The following BACH2 variants were observed in gnomAD, a reference collection of about 807,000 sequenced individuals.
The protein encoded by BACH2 is BACH transcriptional regulator 2.
In BACH2, 5 loss-of-function variants were observed where a neutral mutation model predicts 61.8. The observed-to-expected ratio is 0.08, with a 90% CI of 0.04 to 0.17. The LOEUF is 0.17. Ranked by LOEUF, BACH2 falls within the 10% of genes least tolerant of loss-of-function variation. BACH2 has a pLI of 1.00. For missense variants in BACH2, 824 were observed against 1,091.1 expected, an observed-to-expected ratio of 0.76 and a Z score of 3.45; for synonymous variants, 446 against 440.1, an observed-to-expected ratio of 1.01 and a Z score of -0.17.
intron 5 of BACH2, among the ~76,000 whole-genome samples, chr6:90,032,091 A>G (rs1238242232): frequency 1.3e-5 from 2 of 152,154 alleles, no homozygotes; most frequent in African/African-American, 4.8e-5. Context: ...ACCTGACAAA[A>G]ACAAGCAATG....
intron 5 of BACH2, among the ~76,000 whole-genome samples, chr6:90,014,857 C>G (rs1160071390): frequency 6.6e-6 from 1 of 151,908 alleles, no homozygotes; most frequent in African/African-American, 2.4e-5. Flanking sequence ...TAGCTAACTG[C>G]AACCTCAAAC....
intron 4 of BACH2, among the ~76,000 whole-genome samples, chr6:90,189,614 CAAAAAAAAAAAA>C (rs59022545): frequency 8.4e-5 from 4 of 47,770 alleles, no homozygotes; most frequent in Non-Finnish European, 1.3e-4. Context: ...GACTCCGTCT[CAAAAAAAAAAAA>C]AAAAAAAAAA....
chr6:90,220,519 C>T (rs981616474), intron 3 of BACH2, among the ~76,000 whole-genome samples: 66 of 152,176 alleles, frequency 4.3e-4, no homozygotes, highest in African/African-American at 1.4e-3. Flanking sequence ...AAGGCCACTA[C>T]CTATGTAAAC....
chr6:90,024,541 T>G (rs1233128462), intron 5 of BACH2, among the ~76,000 whole-genome samples: 1 of 152,208 alleles, frequency 6.6e-6, no homozygotes, highest in African/African-American at 2.4e-5. Context: ...TCCTTATCTA[T>G]GCAAGGAGGA....
chr6:89,984,781 C>A (rs1776147191), intron 6 of BACH2, among the ~76,000 whole-genome samples: 1 of 152,168 alleles, frequency 6.6e-6, no homozygotes, highest in Non-Finnish European at 1.5e-5. Context: ...AATTGCAACT[C>A]ATTTTCTTCT....
At chr6:90,180,534 C>T (rs1213349996) in intron 4 of BACH2, among the ~76,000 whole-genome samples, 4 of 152,094 alleles carry the variant, frequency 2.6e-5, no homozygotes, top group Admixed American at 6.6e-5. Flanking sequence ...CACCTCTCAA[C>T]CTCCTCCTCT....
intron 4 of BACH2, among the ~76,000 whole-genome samples, chr6:90,113,951 C>G (rs550866087): frequency 6.6e-6 from 1 of 152,264 alleles, no homozygotes; most frequent in East Asian, 1.9e-4. Context: ...CACATACACC[C>G]TCCTAAGACT....
At chr6:90,099,887 C>T (rs1256207918) in intron 4 of BACH2, among the ~76,000 whole-genome samples, 1 of 152,116 alleles carries the variant, frequency 6.6e-6, no homozygotes, top group Non-Finnish European at 1.5e-5. Flanking sequence ...CAGAACATTT[C>T]CATCATCCAA....
chr6:90,008,786 C>G lies in BACH2; in HGVS notation c.59G>C (p.Cys20Ser). The G allele has an allele frequency of 6.2e-7, 1 of 1,614,178 alleles. No homozygotes were observed. ...PMYVYESTVH[C>S]TNILLGLNDQ... ...ATTGAGGCCCAGGAGGATGTTGGTGCAGTGGACTGTGGACTCATACACATA... is the reference window on the plus strand; with the variant it reads ...ATTGAGGCCCAGGAGGATGTTGGTGGAGTGGACTGTGGACTCATACACATA... Residue 20 changes from cysteine (C) to serine (S), a missense_variant, in exon 6 of 9, where the codon TGC becomes TCC. By Grantham distance (112) the Cys-to-Ser change is moderately radical. Coordinates refer to ENST00000257749, the MANE Select transcript of BACH2 (RefSeq NM_021813.4). This position sits in a 1 kb window ranked among gnomAD's most constrained non-coding sequence, Gnocchi z 4.1.
At chr6:90,222,173 A>G (rs1391447508) in intron 3 of BACH2, among the ~76,000 whole-genome samples, 3 of 152,238 alleles carry the variant, frequency 2.0e-5, no homozygotes, top group Admixed American at 1.3e-4. Flanking sequence ...TGGACAAGCC[A>G]CATTTTAAGA....
At chr6:89,947,782 A>G (rs373876807) in intron 7 of BACH2, among the ~76,000 whole-genome samples, 28 of 151,974 alleles carry the variant, frequency 1.8e-4, no homozygotes, top group Admixed American at 5.9e-4. Context: ...CGTGTTAGCC[A>G]GGATGGTCTC....
intron 4 of BACH2, among the ~76,000 whole-genome samples, chr6:90,105,159 C>T (rs1024302110): frequency 6.6e-6 from 1 of 152,206 alleles, no homozygotes; most frequent in African/African-American, 2.4e-5. Flanking sequence ...TGCAGTTATG[C>T]ATTACACAAG....
intron 8 of BACH2, among the ~76,000 whole-genome samples, chr6:89,933,910 C>T (rs1033231387): frequency 4.0e-5 from 6 of 151,846 alleles, no homozygotes; most frequent in African/African-American, 1.5e-4. Flanking sequence ...CACTTGTGCC[C>T]GGGTGGTGGA....
At chr6:90,219,379 C>G (rs1769658851) in intron 3 of BACH2, among the ~76,000 whole-genome samples, 1 of 152,210 alleles carries the variant, frequency 6.6e-6, no homozygotes, top group Non-Finnish European at 1.5e-5. Flanking sequence ...AGCTTACCAT[C>G]TGGTTTCTAT....
chr6:90,017,871 A>T (rs1778153192), intron 5 of BACH2, among the ~76,000 whole-genome samples: 1 of 152,224 alleles, frequency 6.6e-6, no homozygotes, highest in African/African-American at 2.4e-5. Flanking sequence ...TGGATGCCAG[A>T]CAGTGTAAAA....
intron 2 of BACH2, among the ~76,000 whole-genome samples, chr6:90,260,062 T>A (rs2127874854): frequency 6.6e-6 from 1 of 152,264 alleles, no homozygotes; most frequent in South Asian, 2.1e-4. Context: ...TTTATGTTTG[T>A]TCTGATTTTT....
At chr6:90,000,689 A>T (rs2127778009) in intron 6 of BACH2, among the ~76,000 whole-genome samples, 1 of 152,318 alleles carries the variant, frequency 6.6e-6, no homozygotes, top group Middle Eastern at 3.4e-3. Context: ...TTTTCTCAAA[A>T]TCTTAACACC....
intron 4 of BACH2, among the ~76,000 whole-genome samples, chr6:90,177,464 C>A (rs531804082): frequency 1.3e-5 from 2 of 152,142 alleles, no homozygotes; most frequent in African/African-American, 4.8e-5. Flanking sequence ...CTTTTACAAA[C>A]GAGGAAACTG....
intron 6 of BACH2, among the ~76,000 whole-genome samples, chr6:89,960,547 A>G (rs1189332623): frequency 6.6e-6 from 1 of 152,278 alleles, no homozygotes; most frequent in African/African-American, 2.4e-5. Context: ...ATCTTTTGGT[A>G]TGCAGAAGGT....
Sources: allele counts gnomAD v4.1 joint callset (sites outside exome capture counted in the v4.1 genomes callset), GRCh38; gene constraint gnomAD v4.1.1; non-coding constraint Gnocchi (gnomAD v3.1); transcripts MANE v1.5; gene names NCBI Gene and HGNC (gene_info 2026-07-23, HGNC 2026-07-21).